The following PCDHGA7 variants were observed in gnomAD, a reference collection of about 807,000 sequenced individuals.
PCDHGA7 encodes protocadherin gamma-A7.
A neutral mutation model predicts 58.3 loss-of-function variants in PCDHGA7; 44 were observed. The ratio of observed to expected loss-of-function variants is 0.75; its 90% CI spans 0.59 to 0.97. PCDHGA7 has a LOEUF of 0.97. Ranked by LOEUF, PCDHGA7 falls within the 50% of genes least tolerant of loss-of-function variation. The probability of loss-of-function intolerance (pLI) is 0.00; values close to 1 mark genes in which losing one functional copy is unlikely to be tolerated. For synonymous variants in PCDHGA7, 516 were observed against 504.2 expected (o/e 1.02, Z -0.31); for missense variants, 1,266 against 1,188.7 (o/e 1.06, Z -0.96).
chr5:141,426,848 C>T (rs1379697529), intron 1 of PCDHGA7: 3 of 456,552 alleles, frequency 6.6e-6, no homozygotes, highest in Admixed American at 4.7e-5. Context: ...AAGGCAAGAA[C>T]GCTCCAGAAT....
chr5:141,455,738 A>G (rs896060095), intron 1 of PCDHGA7, among the ~76,000 whole-genome samples: 2 of 152,140 alleles, frequency 1.3e-5, no homozygotes, highest in Non-Finnish European at 2.9e-5. Flanking sequence ...TTGCATATCA[A>G]AGGTTGCTGG....
chr5:141,460,377 T>C (rs1592666836), intron 1 of PCDHGA7, among the ~76,000 whole-genome samples: 1 of 152,342 alleles, frequency 6.6e-6, no homozygotes, highest in Non-Finnish European at 1.5e-5. Flanking sequence ...AGTTTTACCA[T>C]TTATAATTTG....
intron 1 of PCDHGA7, chr5:141,409,996 G>A (rs1561724976): frequency 6.2e-7 from 1 of 1,613,132 alleles, no homozygotes; most frequent in Non-Finnish European, 8.5e-7. Context: ...ACGCCGACTC[G>A]GGACACAACG....
At chr5:141,421,206 G>A in intron 1 of PCDHGA7, 1 of 1,531,730 alleles carries the variant, frequency 6.5e-7, no homozygotes, top group Non-Finnish European at 8.8e-7. Context: ...AGAAACCGCG[G>A]AATATCGGCT....
intron 1 of PCDHGA7, chr5:141,405,100 G>A (rs764536213): frequency 1.2e-6 from 2 of 1,613,924 alleles, no homozygotes; most frequent in Non-Finnish European, 1.7e-6. Context: ...CCCTCAGGCT[G>A]AGGCACTGGC....
chr5:141,503,212 C>G (rs1227936455), intron 2 of PCDHGA7, among the ~76,000 whole-genome samples: 1 of 152,074 alleles, frequency 6.6e-6, no homozygotes, highest in African/African-American at 2.4e-5. Flanking sequence ...CAGTGCCCAC[C>G]ATGAGCACCG....
intron 1 of PCDHGA7, chr5:141,418,464 G>A: frequency 3.7e-6 from 6 of 1,614,010 alleles, no homozygotes; most frequent in Non-Finnish European, 5.1e-6. Flanking sequence ...ACTCTGGACC[G>A]AGAAACGCAG....
intron 1 of PCDHGA7, chr5:141,418,509 G>T: frequency 6.2e-7 from 1 of 1,613,986 alleles, no homozygotes; most frequent in Non-Finnish European, 8.5e-7. Flanking sequence ...GCCTTAGATG[G>T]TGGGGACCCT....
Position 141,406,737 on chromosome 5 carries a change from T to C in PCDHGA7, c.2424+21414T>C, listed in dbSNP as rs540886306. 1.1e-4 allele frequency among the ~76,000 whole-genome samples: 16 copies of C among 152,348 alleles called. No homozygotes were observed. The South Asian group carries it at 3.3e-3, about 32-fold the overall frequency. ...AAGAGAAGTTTCTAAGACTGGACAC[T>C]GTGAAATGACAAAACAAGGAATTAA... On this transcript the variant is annotated intron_variant, in intron 1 of 3. Coordinates refer to ENST00000518325, the MANE Select transcript of PCDHGA7 (RefSeq NM_018920.4).
Position 141,489,317 on chromosome 5 carries a change from G to T in PCDHGA7, c.2425-5490G>T. ...ATGTTGTCCTTGTGCTGCTGGGGCT[G>T]GGTGTCTGGGCAGCTTCGTTACTCA... is the stretch of plus-strand genomic sequence containing the variant. On this transcript the variant is annotated intron_variant, in intron 1 of 3. Coordinates refer to ENST00000518325, the MANE Select transcript of PCDHGA7 (RefSeq NM_018920.4). The surrounding 1 kb of genome is among the most constrained non-coding windows in gnomAD (Gnocchi z 4.5). 6.3e-7 allele frequency: 1 copy of T among 1,598,654 alleles called. No homozygotes were observed. The highest frequency in any genetic ancestry group is 8.5e-7 in the Non-Finnish European group (1 of 1,171,456).
chr5:141,472,454 C>T (rs538141635), intron 1 of PCDHGA7, among the ~76,000 whole-genome samples: 3 of 151,192 alleles, frequency 2.0e-5, no homozygotes, highest in South Asian at 4.2e-4. Context: ...GCAGGAGAAT[C>T]GCTTGAACCC....
chr5:141,487,811 A>C lies in PCDHGA7; in HGVS notation c.2425-6996A>C, dbSNP rs1389081995. 2 of 1,414,662 alleles carry C rather than the reference A, an allele frequency of 1.4e-6. No homozygotes were observed. The highest frequency in any genetic ancestry group is 1.9e-6 in the Non-Finnish European group (2 of 1,041,698). The allele number at this position is 1,414,662 out of a possible 1,614,324, so 87.6% of individuals were successfully genotyped here. On this transcript the variant is annotated intron_variant, in intron 1 of 3. Coordinates refer to ENST00000518325, the MANE Select transcript of PCDHGA7 (RefSeq NM_018920.4). This position sits in a 1 kb window ranked among gnomAD's most constrained non-coding sequence, Gnocchi z 5.0. ...TTAACCAGAGTTGTCACAGTTTAGC[A>C]TTGGGGGCGGGTCATGCCTATATCT...
chr5:141,424,100 G>A (rs1362239131), intron 1 of PCDHGA7: 1 of 832,456 alleles, frequency 1.2e-6, no homozygotes, highest in East Asian at 1.2e-4. Flanking sequence ...TGCTATTACT[G>A]CTAATGTTCA....
chr5:141,432,087 C>G lies in PCDHGA7; in HGVS notation c.2424+46764C>G. On this transcript the variant is annotated intron_variant, in intron 1 of 3. Coordinates refer to ENST00000518325, the MANE Select transcript of PCDHGA7 (RefSeq NM_018920.4). This position sits in a 1 kb window ranked among gnomAD's most constrained non-coding sequence, Gnocchi z 6.0. ...GAAACTCATATCTCGCTGAACGTGG[C>G]AGACACCAACGACAACCCGCCGGTC... 3 of 1,614,178 alleles carry G rather than the reference C, an allele frequency of 1.9e-6. No homozygotes were observed. The highest frequency in any genetic ancestry group is 2.5e-6 in the Non-Finnish European group (3 of 1,180,042).
Position 141,383,570 on chromosome 5 carries a change from G to T in PCDHGA7, c.671G>T (p.Ser224Ile). The T allele has an allele frequency of 1.2e-6, 2 of 1,613,234 alleles. No individual in the cohort carries two copies. The highest frequency in any genetic ancestry group is 1.7e-6 in the Non-Finnish European group (2 of 1,179,712). ...GATGGCGGCGACCCGCCCCGATCCAGCACCGCCCACATCCAGGTGACAGTG... is the reference window on the plus strand; with the variant it reads ...GATGGCGGCGACCCGCCCCGATCCATCACCGCCCACATCCAGGTGACAGTG... ...ASDGGDPPRS[S>I]TAHIQVTVVD... Residue 224 changes from serine (S) to isoleucine (I), a missense_variant, in exon 1 of 4, where the codon AGC becomes ATC. By Grantham distance (142) the Ser-to-Ile change is moderately radical (BLOSUM62 -2). Transcript: ENST00000518325.
In PCDHGA7 at chr5:141,486,017, A is replaced by G. The variant is rs746747518; in HGVS notation, c.2425-8790A>G. On this transcript the variant is annotated intron_variant, in intron 1 of 3. Transcript: ENST00000518325. The surrounding 1 kb of genome is among the most constrained non-coding windows in gnomAD (Gnocchi z 5.0). ...CAGTGGTAACGTCACCTTTTATTTC[A>G]GTGGTCATACCCCTGATCGTGTAAG... The G allele has an allele frequency of 6.2e-7, 1 of 1,614,176 alleles. No homozygotes were observed. The highest frequency in any genetic ancestry group is 1.7e-5 in the Admixed American group (1 of 60,026).
At chr5:141,414,692 C>T (rs2095777962) in intron 1 of PCDHGA7, 1 of 1,613,918 alleles carries the variant, frequency 6.2e-7, no homozygotes, top group African/African-American at 1.3e-5. Flanking sequence ...GTACCTCTGT[C>T]CTCATACATA....
At chr5:141,422,171 T>C (rs1204753893) in intron 1 of PCDHGA7, 4 of 1,564,922 alleles carry the variant, frequency 2.6e-6, no homozygotes, top group Non-Finnish European at 3.4e-6. Context: ...AAATATAGAT[T>C]CTATGAGATG....
chr5:141,415,740 GTTTTTTTTTTTTTTT>G (rs57426385), intron 1 of PCDHGA7: 171 of 625,014 alleles, frequency 2.7e-4, no homozygotes, highest in East Asian at 8.8e-4. Flanking sequence ...GTTTATTAAG[GTTTTTTTTTTTTTTT>G]TTTTTTTTTT....
Sources: allele counts gnomAD v4.1 joint callset (sites outside exome capture counted in the v4.1 genomes callset), GRCh38; gene constraint gnomAD v4.1.1; non-coding constraint Gnocchi (gnomAD v3.1); transcripts MANE v1.5; gene names NCBI Gene and HGNC (gene_info 2026-07-23, HGNC 2026-07-21).